NRXN2: variants seen among roughly 807,000 people sequenced by gnomAD.
NRXN2 encodes the protein neurexin 2.
A neutral mutation model predicts 128.8 loss-of-function variants in NRXN2; 29 were observed. The observed-to-expected ratio is 0.23, with a 90% CI of 0.17 to 0.31. The LOEUF (loss-of-function observed/expected upper bound fraction) is 0.31, where lower values mean the gene tolerates loss of function less well. NRXN2 is among the 10% of genes least tolerant of loss of function. NRXN2 has a pLI of 1.00. For missense variants in NRXN2, 1,881 were observed against 2,452.6 expected, an observed-to-expected ratio of 0.77 and a Z score of 4.92; for synonymous variants, 1,098 against 1,075.2, an observed-to-expected ratio of 1.02 and a Z score of -0.41.
chr11:64,642,420 G>A, intron 17 of NRXN2: 1 of 1,385,000 alleles, frequency 7.2e-7, no homozygotes, highest in Non-Finnish European at 9.4e-7. Context: ...ACGCAAAGCA[G>A]AGGGGCCAGG....
rs141665049 is a variant in NRXN2, at chr11:64,627,623, C to T, written c.3758-1071G>A. Among the ~76,000 whole-genome samples the T allele has an allele frequency of 2.0e-5, 3 of 152,218 alleles. No homozygotes were observed. The East Asian group carries it at 5.8e-4, about 29-fold the overall frequency. On this transcript the variant is annotated intron_variant, in intron 19 of 22. Transcript: ENST00000265459. The stretch of plus-strand genomic sequence containing the variant: ...CTCTGCGCTCACCAATCTCCAGCCC[C>T]TGGAGACTGGGAAAGGGAATGTGTG...
At chr11:64,668,887 C>T (rs1244384325) in intron 7 of NRXN2, among the ~76,000 whole-genome samples, 1 of 152,152 alleles carries the variant, frequency 6.6e-6, no homozygotes, top group Non-Finnish European at 1.5e-5. Context: ...CCCATGAGGT[C>T]CCCCAAGAAG....
chr11:64,632,154 G>T lies in NRXN2; in HGVS notation c.3586-1581C>A, dbSNP rs1461662147. Among the ~76,000 whole-genome samples the T allele has an allele frequency of 6.6e-6, 1 of 152,210 alleles. No individual in the cohort carries two copies. Among genetic ancestry groups the T allele is most frequent in the Non-Finnish European group, 1.5e-5 (1 of 68,034 alleles). The stretch of plus-strand genomic sequence containing the variant: ...GGGTTGGGGTTTGGCAGAGAGAGTT[G>T]GGGGACAAGGTTTGCAGCTGTGGCT... On this transcript the variant is annotated intron_variant, in intron 18 of 22. Transcript: ENST00000265459. The surrounding 1 kb of genome is among the most constrained non-coding windows in gnomAD (Gnocchi z 4.2).
In NRXN2 at chr11:64,660,480, G is replaced by T. The variant is rs749229993; in HGVS notation, c.2241C>A (p.Asn747Lys). The T allele has an allele frequency of 1.2e-6, 2 of 1,614,176 alleles. No individual in the cohort carries two copies. The highest frequency in any genetic ancestry group is 1.7e-6 in the Non-Finnish European group (2 of 1,180,032). ...CATCCTCTGCCTCCGTGTGCATGGC[G>T]TTAGGCAGCATGATCTTCATGTACA... The part of the protein sequence containing the change: ...GSMYMKIMLP[N>K]AMHTEAEDVS... The change falls in exon 11 of 23, where the codon AAC (asparagine) becomes AAA (lysine). Residue 747 changes from asparagine to lysine, a missense_variant. Around this residue, in one of 7 missense-constraint regions of NRXN2, gnomAD observed 997 missense variants for 1,240.8 expected, o/e 0.80. Coordinates refer to ENST00000265459, the MANE Select transcript of NRXN2 (RefSeq NM_015080.4). This position sits in a 1 kb window ranked among gnomAD's most constrained non-coding sequence, Gnocchi z 5.2.
At chr11:64,637,697 G>T (rs1369739434) in intron 17 of NRXN2, among the ~76,000 whole-genome samples, 1 of 152,106 alleles carries the variant, frequency 6.6e-6, no homozygotes, top group Non-Finnish European at 1.5e-5. Flanking sequence ...ATTCAGAGAA[G>T]GCTTTATTGG....
intron 17 of NRXN2, chr11:64,642,626 T>C: frequency 6.2e-7 from 1 of 1,609,176 alleles, no homozygotes. Context: ...ACGTGGTGGG[T>C]GGTGCTGAGG....
Position 64,620,242 on chromosome 11 carries a change from C to T in NRXN2, c.4252+52G>A. ...GGTGGCAGGGACAGTCGCCCCCCTC[C>T]CAGCAGCATCGCAGAGGGACCCGGG... On this transcript the variant is annotated intron_variant, in intron 22 of 22. Coordinates refer to ENST00000265459, the MANE Select transcript of NRXN2 (RefSeq NM_015080.4). 2.8e-6 allele frequency: 4 copies of T among 1,437,680 alleles called. No homozygotes were observed. In the South Asian group the frequency reaches 3.7e-5, roughly 13 times the overall value. The allele number at this position is 1,437,680 out of a possible 1,614,324, so 89.1% of individuals were successfully genotyped here.
intron 9 of NRXN2, among the ~76,000 whole-genome samples, chr11:64,664,434 C>T (rs746284922): frequency 5.3e-5 from 8 of 149,594 alleles, no homozygotes; most frequent in East Asian, 2.0e-4. Context: ...GCCGAGATTG[C>T]GCCACTGCGC....
At position 64,660,180 on chromosome 11, in the gene NRXN2, G is replaced by C; in HGVS notation, c.2389+152C>G. On this transcript the variant is annotated intron_variant, in intron 11 of 22. Coordinates refer to ENST00000265459, the MANE Select transcript of NRXN2 (RefSeq NM_015080.4). This position sits in a 1 kb window ranked among gnomAD's most constrained non-coding sequence, Gnocchi z 5.2. ...GTCCTCACCAGGGACAGAGCTCTCA[G>C]GGTCTCTGACCCAGGCTGGCGCCTC... 1 of 784,094 alleles carries C rather than the reference G, an allele frequency of 1.3e-6. No individual in the cohort carries two copies. The highest frequency in any genetic ancestry group is 2.6e-5 in the East Asian group (1 of 38,656). 48.6% of individuals were successfully genotyped at this position (784,094 alleles called of 1,614,324 possible).
chr11:64,615,660 T>G (rs931323654), intron 22 of NRXN2, among the ~76,000 whole-genome samples: 2 of 152,212 alleles, frequency 1.3e-5, no homozygotes, highest in African/African-American at 4.8e-5. Context: ...TGTGTGTACT[T>G]ACCTGAGTGG....
At chr11:64,705,667 G>C (rs921706425) in intron 2 of NRXN2, among the ~76,000 whole-genome samples, 6 of 151,776 alleles carry the variant, frequency 4.0e-5, no homozygotes, top group Non-Finnish European at 7.4e-5. Flanking sequence ...TCAACTCAAA[G>C]CTCTGGTCTC....
Position 64,623,979 on chromosome 11 carries a change from G to A in NRXN2, c.3848-901C>T, listed in dbSNP as rs895777506. ...TTTAACCCTCTGAGTTTGTTGTTTT[G>A]GTTTGGTTTTTAGAAAAGATGTTTA... On this transcript the variant is annotated intron_variant, in intron 20 of 22. Coordinates refer to ENST00000265459, the MANE Select transcript of NRXN2 (RefSeq NM_015080.4). The surrounding 1 kb of genome is among the most constrained non-coding windows in gnomAD (Gnocchi z 4.9). The A allele has an allele frequency of 6.6e-6, 1 of 151,652 alleles. No homozygotes were observed. The highest frequency in any genetic ancestry group is 2.4e-5 in the African/African-American group (1 of 41,174). The allele number at this position is 151,652 out of a possible 1,614,324, so 9.4% of individuals were successfully genotyped here.
intron 1 of NRXN2, among the ~76,000 whole-genome samples, chr11:64,718,338 C>T (rs1270800653): frequency 6.6e-6 from 1 of 152,206 alleles, no homozygotes; most frequent in Non-Finnish European, 1.5e-5. Flanking sequence ...GGGATGCCGG[C>T]CTCCCTCTGG....
chr11:64,621,735 A>T (rs2042378546), intron 21 of NRXN2, among the ~76,000 whole-genome samples: 1 of 152,182 alleles, frequency 6.6e-6, no homozygotes, highest in Admixed American at 6.5e-5. Flanking sequence ...GGCGATGGGA[A>T]GAGAAGGGGT....
intron 22 of NRXN2, among the ~76,000 whole-genome samples, chr11:64,612,858 C>T (rs2040880441): frequency 1.3e-5 from 2 of 152,202 alleles, no homozygotes; most frequent in Non-Finnish European, 2.9e-5. Context: ...CGGACGTGAC[C>T]CTGTGGTGCA....
intron 2 of NRXN2, among the ~76,000 whole-genome samples, chr11:64,705,212 A>C (rs1166725571): frequency 1.3e-5 from 2 of 152,176 alleles, no homozygotes; most frequent in Non-Finnish European, 2.9e-5. Context: ...AATGCAGGTA[A>C]TCAATAGACC....
Position 64,623,053 on chromosome 11 carries a change from G to A in NRXN2, c.3873C>T (p.Ser1291=). ...DKGRQLTIFN[S]QAAIKIGGRD... ...GGCCCCCGATCTTGATGGCAGCCTG[G>A]CTGTTGAAGATGGTCAGCTGGCGGC... The change falls in exon 21 of 23, where the codon AGC becomes AGT. Residue 1291 remains serine (S), a synonymous_variant. Coordinates refer to ENST00000265459, the MANE Select transcript of NRXN2 (RefSeq NM_015080.4). This position sits in a 1 kb window ranked among gnomAD's most constrained non-coding sequence, Gnocchi z 4.9. 1 of 1,607,534 alleles carries A rather than the reference G, an allele frequency of 6.2e-7. No individual in the cohort carries two copies. The highest frequency in any genetic ancestry group is 8.5e-7 in the Non-Finnish European group (1 of 1,177,056).
At chr11:64,672,103 G>C (rs2050715052) in intron 7 of NRXN2, among the ~76,000 whole-genome samples, 2 of 152,232 alleles carry the variant, frequency 1.3e-5, no homozygotes, top group South Asian at 4.1e-4. Flanking sequence ...TGTCCAGCCA[G>C]AGAAGGGAGA....
Position 64,632,147 on chromosome 11 carries a change from G to A in NRXN2, c.3586-1574C>T, listed in dbSNP as rs909973771. 6.6e-6 allele frequency among the ~76,000 whole-genome samples: 1 copy of A among 152,232 alleles called. No individual in the cohort carries two copies. The highest frequency in any genetic ancestry group is 1.5e-5 in the Non-Finnish European group (1 of 68,036). On this transcript the variant is annotated intron_variant, in intron 18 of 22. Transcript: ENST00000265459. This position sits in a 1 kb window ranked among gnomAD's most constrained non-coding sequence, Gnocchi z 4.2. The stretch of plus-strand genomic sequence containing the variant: ...GGGGCAAGGGTTGGGGTTTGGCAGA[G>A]AGAGTTGGGGGACAAGGTTTGCAGC...
Sources: gnomAD v4.1 joint callset for allele counts (sites outside exome capture counted in the v4.1 genomes callset) on GRCh38, gnomAD v4.1.1 for gene constraint, gnomAD v4.1.1 regional missense constraint, Gnocchi (gnomAD v3.1) non-coding constraint, MANE v1.5 for transcripts, NCBI Gene and HGNC (gene_info 2026-07-23, HGNC 2026-07-21) for gene names.